METTL24: variants seen among roughly 807,000 people sequenced by gnomAD.
The protein encoded by METTL24 is methyltransferase like 24, also known as probable methyltransferase-like protein 24.
In METTL24, 29 loss-of-function variants were observed where a neutral mutation model predicts 32.7. That is an observed-to-expected ratio of 0.89 (90% confidence interval 0.66 to 1.21). METTL24 has a LOEUF of 1.21. Ranked by LOEUF, METTL24 falls within the 50% of genes most tolerant of loss-of-function variation. The pLI, the probability that METTL24 is intolerant of heterozygous loss-of-function variation, is 0.00. For missense variants in METTL24, 439 were observed against 468.1 expected, an observed-to-expected ratio of 0.94 and a Z score of 0.57; for synonymous variants, 163 against 179.5, an observed-to-expected ratio of 0.91 and a Z score of 0.73.
At chr6:110,294,129 AT>A (rs571425330) in intron 4 of METTL24, among the ~76,000 whole-genome samples, 2 of 151,762 alleles carry the variant, frequency 1.3e-5, no homozygotes, top group Admixed American at 6.6e-5. Context: ...TGCATTTTTT[AT>A]TTTTTTTATG....
At position 110,358,245 on chromosome 6, in the gene METTL24, C is replaced by A; in HGVS notation, c.28G>T (p.Gly10Cys). Residue 10 changes from glycine to cysteine, a missense_variant, in exon 1 of 5, where the codon GGC becomes TGC. Gly to Cys is a radical substitution (Grantham distance 159). Coordinates refer to ENST00000338882, the MANE Select transcript of METTL24 (RefSeq NM_001123364.3). MARERPPGR[G>C]CGVLRRCLLG... ...AGACACCGGCGCAGGACGCCGCAGC[C>A]CCTCCCGGGCGGCCTCTCCCGGGCC... The A allele has an allele frequency of 6.7e-7, 1 of 1,485,630 alleles. No homozygotes were observed. Among genetic ancestry groups the A allele is most frequent in the Non-Finnish European group, 8.9e-7 (1 of 1,125,028 alleles). The allele number at this position is 1,485,630 out of a possible 1,614,324, so 92.0% of individuals were successfully genotyped here.
Position 110,328,076 on chromosome 6 carries a change from G to GA in METTL24, c.319-5205dup, listed in dbSNP as rs1282380453. On this transcript the variant is annotated intron_variant, in intron 1 of 4. Transcript: ENST00000338882. Reference sequence around the variant, plus strand: ...TGTCTGTCCCCAGGAGGCCTGAGCTGAAATGTCAAATGAGGTATTACAATG... The same window carrying GA: ...TGTCTGTCCCCAGGAGGCCTGAGCTGAAAATGTCAAATGAGGTATTACAATG... Among the ~76,000 whole-genome samples, 4 of 152,340 alleles carry GA rather than the reference G, an allele frequency of 2.6e-5. No homozygotes were observed. The East Asian group carries it at 7.7e-4, about 29-fold the overall frequency.
chr6:110,311,662 C>T (rs1357563950), intron 3 of METTL24, among the ~76,000 whole-genome samples: 1 of 151,738 alleles, frequency 6.6e-6, no homozygotes. Context: ...TTAGTAGAAA[C>T]AGGGTTTCAC....
At chr6:110,322,721 G>T in intron 2 of METTL24, 53 bp downstream of exon 2, 2 of 1,450,306 alleles carry the variant, frequency 1.4e-6, no homozygotes, top group Non-Finnish European at 9.6e-7. Context: ...TTCAAAAGAG[G>T]CAATCAGGAT....
At chr6:110,299,187 T>A in intron 3 of METTL24, 37 bp from the exon 4 acceptor site, 1 of 1,579,374 alleles carries the variant, frequency 6.3e-7, no homozygotes, top group South Asian at 1.1e-5. Flanking sequence ...CAACAAAAAA[T>A]GCAATGAAGC....
intron 4 of METTL24, among the ~76,000 whole-genome samples, chr6:110,278,943 G>A (rs1482224224): frequency 6.6e-6 from 1 of 152,166 alleles, no homozygotes; most frequent in Non-Finnish European, 1.5e-5. Flanking sequence ...GATCGCTTCA[G>A]CCCAGGAGGT....
At chr6:110,265,169 GAAA>G (rs1770831283) in intron 4 of METTL24, among the ~76,000 whole-genome samples, 1 of 148,864 alleles carries the variant, frequency 6.7e-6, no homozygotes, top group African/African-American at 2.5e-5. Context: ...AAGAAAGAAA[GAAA>G]GAAAGAAAGA....
chr6:110,332,494 C>T (rs1204004632), intron 1 of METTL24: 2 of 983,608 alleles, frequency 2.0e-6, no homozygotes, highest in African/African-American at 3.5e-5. Flanking sequence ...GAGGTGGAAA[C>T]TACACAGTGT....
intron 3 of METTL24, among the ~76,000 whole-genome samples, chr6:110,302,024 C>T (rs2114734441): frequency 6.6e-6 from 1 of 152,058 alleles, no homozygotes; most frequent in Non-Finnish European, 1.5e-5. Context: ...ACCTGTAATC[C>T]CAGCACTTTA....
chr6:110,349,681 T>C (rs1320278627), intron 1 of METTL24, among the ~76,000 whole-genome samples: 1 of 152,194 alleles, frequency 6.6e-6, no homozygotes, highest in African/African-American at 2.4e-5. Flanking sequence ...CTTCAGCCCA[T>C]AGTTCACTTG....
chr6:110,264,198 G>A (rs1770810640), intron 4 of METTL24, among the ~76,000 whole-genome samples: 1 of 151,796 alleles, frequency 6.6e-6, no homozygotes, highest in Admixed American at 6.6e-5. Flanking sequence ...CACAGAATGG[G>A]AGAAAATTTT....
chr6:110,251,965 G>A (rs994851797), intron 4 of METTL24, among the ~76,000 whole-genome samples: 1 of 151,858 alleles, frequency 6.6e-6, no homozygotes, highest in African/African-American at 2.4e-5. Context: ...CCAACATGGC[G>A]AAATCCCTTC....
At chr6:110,347,975 T>C (rs1348834889) in intron 1 of METTL24, among the ~76,000 whole-genome samples, 1 of 152,230 alleles carries the variant, frequency 6.6e-6, no homozygotes, top group Non-Finnish European at 1.5e-5. Flanking sequence ...ATATTATATA[T>C]GCATTACGTT....
rs1270541194 is a variant in METTL24 at position 110,299,236 on chromosome 6, G to C, written c.558-86C>G. 8 of 1,190,260 alleles carry C rather than the reference G, an allele frequency of 6.7e-6. No homozygotes were observed. In the African/African-American group the frequency reaches 9.0e-5, roughly 13 times the overall value. 73.7% of individuals were successfully genotyped at this position (1,190,260 alleles called of 1,614,324 possible). A position where few individuals can be genotyped will look rare whatever the true frequency, so the allele number is the denominator to read the frequency against. ...AACAAGATGACAGTTCCAAGGCCAA[G>C]GTTCTTAGTTATATCAAGCCTTCTC... On this transcript the variant is annotated intron_variant, in intron 3 of 4. Coordinates refer to ENST00000338882, the MANE Select transcript of METTL24 (RefSeq NM_001123364.3).
intron 1 of METTL24, among the ~76,000 whole-genome samples, chr6:110,333,738 A>G (rs1020393211): frequency 2.0e-5 from 3 of 152,168 alleles, no homozygotes; most frequent in African/African-American, 7.2e-5. Context: ...CACCACGCCC[A>G]GCCTTGATTT....
chr6:110,350,323 T>C (rs1772569371), intron 1 of METTL24, among the ~76,000 whole-genome samples: 1 of 152,084 alleles, frequency 6.6e-6, no homozygotes, highest in Non-Finnish European at 1.5e-5. Flanking sequence ...CAGCTCTTCT[T>C]TTTCTCTCCA....
At chr6:110,305,926 C>G (rs933475811) in intron 3 of METTL24, among the ~76,000 whole-genome samples, 1 of 152,150 alleles carries the variant, frequency 6.6e-6, no homozygotes, top group African/African-American at 2.4e-5. Context: ...GGAACCAACC[C>G]AAATGCCCAC....
chr6:110,293,654 AC>A (rs2114727144), intron 4 of METTL24, among the ~76,000 whole-genome samples: 1 of 152,078 alleles, frequency 6.6e-6, no homozygotes, highest in South Asian at 2.1e-4. Flanking sequence ...GTGATTACAC[AC>A]TGTATGATTC....
chr6:110,355,313 G>C (rs1175765203), intron 1 of METTL24, among the ~76,000 whole-genome samples: 3 of 152,190 alleles, frequency 2.0e-5, no homozygotes, highest in Non-Finnish European at 4.4e-5. Context: ...GGGCCTTGCA[G>C]GTAGAGGAGT....
Sources: allele counts gnomAD v4.1 joint callset (sites outside exome capture counted in the v4.1 genomes callset), GRCh38; gene constraint gnomAD v4.1.1; transcripts MANE v1.5; gene names NCBI Gene and HGNC (gene_info 2026-07-23, HGNC 2026-07-21).